TXNL1: variants seen among roughly 807,000 people sequenced by gnomAD.
The protein encoded by TXNL1 is thioredoxin-like protein 1.
TXNL1 carries 14 observed loss-of-function variants against 35.5 expected under a neutral mutation model. That is an observed-to-expected ratio of 0.39 (90% CI 0.26 to 0.62). The LOEUF (loss-of-function observed/expected upper bound fraction) is 0.62. Among genes scored for constraint, TXNL1 ranks in the 20% least tolerant of loss-of-function variants. The pLI is 0.47. For synonymous variants in TXNL1, 110 were observed against 115.5 expected (o/e 0.95, Z 0.31); for missense variants, 263 against 349.7 (o/e 0.75, Z 1.98).
At chr18:56,620,157 T>C (rs2024157704) in intron 3 of TXNL1, among the ~76,000 whole-genome samples, 1 of 152,040 alleles carries the variant, frequency 6.6e-6, no homozygotes, top group Admixed American at 6.6e-5. Flanking sequence ...TTAGTAGAGA[T>C]GGGCTTTCAC....
intron 1 of TXNL1, among the ~76,000 whole-genome samples, chr18:56,637,199 C>A (rs2024469095): frequency 6.6e-6 from 1 of 152,070 alleles, no homozygotes; most frequent in Non-Finnish European, 1.5e-5. Flanking sequence ...ACGATATAAT[C>A]CTAATGCCAC....
rs547416211 is a variant in TXNL1, at chr18:56,638,222, G to A, written c.98+121C>T. ...GAGGCCTAATTCCGGCAGCTCCTGG[G>A]GCTGCGGCGACTGCCGGACACTCCG... On this transcript the variant is annotated intron_variant, in intron 1 of 7. Coordinates refer to ENST00000217515, the MANE Select transcript of TXNL1 (RefSeq NM_004786.3). The A allele has an allele frequency of 5.0e-6, 5 of 1,008,578 alleles. 1 individual carries two copies. The South Asian group carries it at 7.0e-5, about 14-fold the overall frequency. The allele number at this position is 1,008,578 out of a possible 1,614,324, so 62.5% of individuals were successfully genotyped here.
chr18:56,623,733 T>A (rs1355891792), intron 3 of TXNL1, among the ~76,000 whole-genome samples: 1 of 152,084 alleles, frequency 6.6e-6, no homozygotes, highest in East Asian at 1.9e-4. Context: ...AATAACTTAC[T>A]CTTAAAACCT....
At chr18:56,629,627 CAGTT>C (rs1269686100) in intron 1 of TXNL1, among the ~76,000 whole-genome samples, 1 of 152,128 alleles carries the variant, frequency 6.6e-6, no homozygotes, top group Non-Finnish European at 1.5e-5. Flanking sequence ...GCACAATGAA[CAGTT>C]AGTATCCATA....
intron 7 of TXNL1, among the ~76,000 whole-genome samples, chr18:56,606,993 T>C (rs1360673633): frequency 6.6e-6 from 1 of 152,128 alleles, no homozygotes; most frequent in African/African-American, 2.4e-5. Context: ...ATCTTTTTTA[T>C]TTTTCTTTCT....
intron 1 of TXNL1, among the ~76,000 whole-genome samples, chr18:56,633,795 C>T (rs1051770436): frequency 6.6e-6 from 1 of 151,532 alleles, no homozygotes; most frequent in African/African-American, 2.4e-5. Context: ...ACCAGCCTGA[C>T]CAACATGGTG....
chr18:56,602,889 G>A lies in TXNL1; in HGVS notation c.*138C>T. On this transcript the variant is annotated 3_prime_UTR_variant, in exon 8 of 8. Transcript: ENST00000217515. Reference sequence around the variant, plus strand: ...TGTCAAGATTACAATGGAAACACTAGTGATACCATCTGAACAAAAGCAATG... The same window carrying A: ...TGTCAAGATTACAATGGAAACACTAATGATACCATCTGAACAAAAGCAATG... 1 of 933,104 alleles carries A rather than the reference G, an allele frequency of 1.1e-6. No homozygotes were observed. Among genetic ancestry groups the A allele is most frequent in the Non-Finnish European group, 1.7e-6 (1 of 594,212 alleles). The allele number at this position is 933,104 out of a possible 1,614,324, so 57.8% of individuals were successfully genotyped here.
rs150286943 is a variant in TXNL1, at chr18:56,636,653, A to G, written c.98+1690T>C. Among the ~76,000 whole-genome samples, 4 of 152,218 alleles carry G rather than the reference A, an allele frequency of 2.6e-5. No individual in the cohort carries two copies. In the East Asian group the frequency reaches 7.7e-4, roughly 29 times the overall value. On this transcript the variant is annotated intron_variant, in intron 1 of 7. Transcript: ENST00000217515. ...ATGTCTGCAGTTATGCTTATGCTTAAGTGACACCACACTGATAGAAAAAAC... is the reference window on the plus strand; with the variant it reads ...ATGTCTGCAGTTATGCTTATGCTTAGGTGACACCACACTGATAGAAAAAAC...
intron 1 of TXNL1, among the ~76,000 whole-genome samples, chr18:56,637,807 C>G (rs961524883): frequency 2.0e-5 from 3 of 152,214 alleles, no homozygotes; most frequent in African/African-American, 4.8e-5. Flanking sequence ...CACCCTAACC[C>G]AACGTTAACT....
Position 56,626,385 on chromosome 18 carries a change from C to T in TXNL1, c.171G>A (p.Leu57=). The T allele has an allele frequency of 6.2e-7, 1 of 1,613,446 alleles. No individual in the cohort carries two copies. Among genetic ancestry groups the T allele is most frequent in the Non-Finnish European group, 8.5e-7 (1 of 1,179,720 alleles). Residue 57 remains leucine (L), a synonymous_variant, in exon 2 of 8, where the codon TTG becomes TTA. Coordinates refer to ENST00000217515, the MANE Select transcript of TXNL1 (RefSeq NM_004786.3). ...CCTGACACTGATGTACATCGACTTC[C>T]AAGAAAACAGCCTGTGGATATTTAT... The part of the protein sequence containing the change: ...MSNKYPQAVF[L]EVDVHQCQGT...
In TXNL1 at chr18:56,611,115, G is replaced by A. The variant is rs1307562860; in HGVS notation, c.736-18C>T. 2 of 1,525,922 alleles carry A rather than the reference G, an allele frequency of 1.3e-6. No individual in the cohort carries two copies. Among genetic ancestry groups the A allele is most frequent in the Non-Finnish European group, 1.8e-6 (2 of 1,115,138 alleles). 94.5% of individuals were successfully genotyped at this position (1,525,922 alleles called of 1,614,324 possible). On this transcript the variant is annotated intron_variant, in intron 6 of 7. Coordinates refer to ENST00000217515, the MANE Select transcript of TXNL1 (RefSeq NM_004786.3). The stretch of plus-strand genomic sequence containing the variant: ...ACAAATATCTACCAAAAAAAAGTTT[G>A]CATTTATAATTACAATCCTTCTTCA...
intron 1 of TXNL1, among the ~76,000 whole-genome samples, chr18:56,637,603 A>G (rs1456747718): frequency 1.3e-5 from 2 of 152,170 alleles, no homozygotes; most frequent in Non-Finnish European, 2.9e-5. Flanking sequence ...GACAGTTAAC[A>G]TTTTTCAAGA....
intron 7 of TXNL1, among the ~76,000 whole-genome samples, chr18:56,606,617 G>A (rs950019006): frequency 6.6e-6 from 1 of 152,134 alleles, no homozygotes; most frequent in Non-Finnish European, 1.5e-5. Context: ...TCTTCACAAA[G>A]TATTCTCAGA....
chr18:56,624,592 T>A, intron 2 of TXNL1, 131 bp from the exon 3 acceptor site: 1 of 1,075,868 alleles, frequency 9.3e-7, no homozygotes, highest in Non-Finnish European at 1.3e-6. Flanking sequence ...ATTTTTGTTA[T>A]TTAAGGAAAA....
chr18:56,603,281 G>GTTCT (rs947809368), intron 7 of TXNL1, among the ~76,000 whole-genome samples: 11 of 120,372 alleles, frequency 9.1e-5, no homozygotes, highest in African/African-American at 3.0e-4. Context: ...GTTTCACACA[G>GTTCT]TTTTTTTTTT....
intron 4 of TXNL1, among the ~76,000 whole-genome samples, chr18:56,617,367 G>C (rs1466231861): frequency 6.6e-6 from 1 of 152,176 alleles, no homozygotes; most frequent in African/African-American, 2.4e-5. Context: ...CCTAAAGCCA[G>C]TGAAGAGTCA....
rs750922992 is a variant in TXNL1, at chr18:56,622,963, C to T, written c.369+1325G>A. On this transcript the variant is annotated intron_variant, in intron 3 of 7. Coordinates refer to ENST00000217515, the MANE Select transcript of TXNL1 (RefSeq NM_004786.3). ...TAATGCTGGTATCACATTACTGATG[C>T]TTTCTGACACCCTTACAATCTCCTA... 7.6e-4 allele frequency among the ~76,000 whole-genome samples: 116 copies of T among 152,090 alleles called. 1 individual carries two copies. Among genetic ancestry groups the T allele is most frequent in the Non-Finnish European group, 1.3e-3 (90 of 68,014 alleles).
intron 1 of TXNL1, among the ~76,000 whole-genome samples, chr18:56,631,838 T>C (rs1184321711): frequency 6.6e-6 from 1 of 151,426 alleles, no homozygotes; most frequent in Non-Finnish European, 1.5e-5. Context: ...GAGAATCGTT[T>C]GAACCTGGGA....
intron 1 of TXNL1, among the ~76,000 whole-genome samples, chr18:56,633,384 T>C (rs1039661772): frequency 5.4e-5 from 8 of 148,804 alleles, no homozygotes; most frequent in African/African-American, 2.0e-4. Flanking sequence ...GAGGTGGAGC[T>C]TGCAGTGAGC....
Sources: gnomAD v4.1 joint callset for allele counts (sites outside exome capture counted in the v4.1 genomes callset) on GRCh38, gnomAD v4.1.1 for gene constraint, MANE v1.5 for transcripts, NCBI Gene and HGNC (gene_info 2026-07-23, HGNC 2026-07-21) for gene names.